PRELID2: variants seen among roughly 807,000 people sequenced by gnomAD.
PRELID2 encodes PRELI domain containing 2, also known as PRELI domain-containing protein 2.
A neutral mutation model predicts 28.4 loss-of-function variants in PRELID2; 25 were observed. The observed-to-expected ratio is 0.88, with a 90% confidence interval of 0.64 to 1.23. PRELID2 has a LOEUF of 1.23. Among genes scored for constraint, PRELID2 ranks in the 50% most tolerant of loss-of-function variants. PRELID2 has a pLI of 0.00. For missense variants in PRELID2, 201 were observed against 214.4 expected (o/e 0.94, Z 0.39); for synonymous variants, 76 against 71.6 (o/e 1.06, Z -0.31).
At chr5:145,684,467 C>G (rs1259074620) in intron 1 of PRELID2, among the ~76,000 whole-genome samples, 1 of 152,212 alleles carries the variant, frequency 6.6e-6, no homozygotes, top group Non-Finnish European at 1.5e-5. Context: ...CTATCACTCT[C>G]TTCTTATTGT....
intron 2 of PRELID2, among the ~76,000 whole-genome samples, chr5:145,472,340 C>A (rs1459011931): frequency 6.6e-6 from 1 of 152,002 alleles, no homozygotes; most frequent in African/African-American, 2.4e-5. Flanking sequence ...CTCCACAGCC[C>A]CATAGGACAA....
chr5:145,749,168 T>C (rs559958637), intron 1 of PRELID2, among the ~76,000 whole-genome samples: 2 of 152,184 alleles, frequency 1.3e-5, no homozygotes, highest in South Asian at 4.1e-4. Context: ...GAAACTATCA[T>C]CAGAGTGAAG....
At chr5:145,686,905 T>C (rs1755048691) in intron 1 of PRELID2, among the ~76,000 whole-genome samples, 1 of 152,190 alleles carries the variant, frequency 6.6e-6, no homozygotes, top group South Asian at 2.1e-4. Context: ...GAAAAATGCA[T>C]CATAATAGAA....
chr5:145,522,136 A>G (rs1453904989), intron 1 of PRELID2, among the ~76,000 whole-genome samples: 1 of 152,220 alleles, frequency 6.6e-6, no homozygotes, highest in Non-Finnish European at 1.5e-5. Flanking sequence ...TTTTCTTTAA[A>G]TAAATGAAAT....
At chr5:145,809,897 G>T in intron 4 of PRELID2, among the ~76,000 whole-genome samples, 1 of 152,196 alleles carries the variant, frequency 6.6e-6, no homozygotes, top group East Asian at 1.9e-4. Context: ...TAAAGCAAAT[G>T]TCAATTACTA....
chr5:145,251,610 A>T, the PRELID2 span, among the ~76,000 whole-genome samples: 1 of 152,092 alleles, frequency 6.6e-6, no homozygotes, highest in Non-Finnish European at 1.5e-5. Context: ...TATGGGATCA[A>T]TACTCCCCAT....
chr5:145,835,019 T>C, intron 1 of PRELID2, 158 bp downstream of exon 1: 1 of 497,576 alleles, frequency 2.0e-6, no homozygotes, highest in South Asian at 3.5e-5. Context: ...GTAAAGGGAG[T>C]CTTCGAGGAA....
At chr5:145,741,258 T>C (rs1756719099) in intron 1 of PRELID2, among the ~76,000 whole-genome samples, 2 of 108,260 alleles carry the variant, frequency 1.8e-5, no homozygotes, top group Non-Finnish European at 3.3e-5. Flanking sequence ...AATATATAAA[T>C]AATATATATT....
chr5:145,654,426 C>T lies in PRELID2; in HGVS notation n.70+110505G>A, dbSNP rs185507750. Among the ~76,000 whole-genome samples the T allele has an allele frequency of 2.9e-3, 440 of 152,306 alleles. 2 individuals carry two copies. Among genetic ancestry groups the T allele is most frequent in the African/African-American group, 9.9e-3 (412 of 41,576 alleles). Reference sequence around the variant, plus strand: ...GGCCAGCATCATCCTGATAACAAAACCTGACAGAGACACAACAAAAAAAGA... The same window carrying T: ...GGCCAGCATCATCCTGATAACAAAATCTGACAGAGACACAACAAAAAAAGA... On this transcript the variant is annotated intron_variant and non_coding_transcript_variant, in intron 1 of 2. Transcript: ENST00000510259.
chr5:145,453,322 C>T, the PRELID2 span, among the ~76,000 whole-genome samples: 1 of 152,094 alleles, frequency 6.6e-6, no homozygotes, highest in South Asian at 2.1e-4. Flanking sequence ...TTAAATGAGA[C>T]TATTGATTCA....
intron 1 of PRELID2, among the ~76,000 whole-genome samples, chr5:145,512,444 G>C (rs1752469811): frequency 6.6e-6 from 1 of 152,218 alleles, no homozygotes; most frequent in Non-Finnish European, 1.5e-5. Context: ...CTCCTCTCTA[G>C]ATTCTTCCTC....
intron 1 of PRELID2, among the ~76,000 whole-genome samples, chr5:145,682,279 G>T (rs1415022553): frequency 2.6e-5 from 4 of 152,158 alleles, no homozygotes; most frequent in African/African-American, 9.7e-5. Context: ...TATTAGTTTT[G>T]GTTGGGAGGA....
intron 1 of PRELID2, among the ~76,000 whole-genome samples, chr5:145,639,167 ATAGT>A (rs1374284103): frequency 1.3e-5 from 2 of 152,236 alleles, no homozygotes; most frequent in South Asian, 2.1e-4. Context: ...ACTGTAGCTA[ATAGT>A]TAGAAGGAAA....
At chr5:145,434,539 A>T in the PRELID2 span, among the ~76,000 whole-genome samples, 3 of 152,306 alleles carry the variant, frequency 2.0e-5, no homozygotes, top group East Asian at 5.8e-4. Context: ...TCGAGGAATC[A>T]TTAGTTCATA....
the PRELID2 span, among the ~76,000 whole-genome samples, chr5:145,315,360 G>A: frequency 1.4e-3 from 216 of 152,170 alleles, 5 homozygotes; most frequent in Non-Finnish European, 4.7e-4. Flanking sequence ...GAGCCACCAC[G>A]CCTGGCCTCT....
chr5:145,499,310 A>G (rs1431663825), intron 1 of PRELID2, among the ~76,000 whole-genome samples: 2 of 152,238 alleles, frequency 1.3e-5, no homozygotes, highest in Non-Finnish European at 2.9e-5. Flanking sequence ...TTATTTCTGC[A>G]TATGGAGAAA....
chr5:145,355,245 C>G, the PRELID2 span, among the ~76,000 whole-genome samples: 1 of 151,890 alleles, frequency 6.6e-6, no homozygotes, highest in Non-Finnish European at 1.5e-5. Context: ...GGTAAAAATA[C>G]CATAGAATTA....
At chr5:145,255,371 A>G in the PRELID2 span, among the ~76,000 whole-genome samples, 78 of 152,258 alleles carry the variant, frequency 5.1e-4, no homozygotes, top group East Asian at 0.014. Context: ...AAATAAAACT[A>G]TACTAAAAAG....
chr5:145,412,855 C>G, the PRELID2 span, among the ~76,000 whole-genome samples: 1 of 152,094 alleles, frequency 6.6e-6, no homozygotes, highest in Non-Finnish European at 1.5e-5. Flanking sequence ...GCGGAAGGCA[C>G]GTCTTCACAG....
Sources: allele counts gnomAD v4.1 joint callset (sites outside exome capture counted in the v4.1 genomes callset), GRCh38; gene constraint gnomAD v4.1.1; transcripts MANE v1.5; gene names NCBI Gene and HGNC (gene_info 2026-07-23, HGNC 2026-07-21).